TGFBRAP1: variants seen among roughly 807,000 people sequenced by gnomAD.
TGFBRAP1 encodes transforming growth factor beta receptor associated protein 1.
A neutral mutation model predicts 83.2 loss-of-function variants in TGFBRAP1; 20 were observed. The observed-to-expected ratio is 0.24, with a 90% CI of 0.17 to 0.35. TGFBRAP1 has a LOEUF of 0.35. TGFBRAP1 is among the 10% of genes least tolerant of loss of function. The pLI is 1.00. For synonymous variants in TGFBRAP1, 415 were observed against 459.8 expected (o/e 0.90, Z 1.25); for missense variants, 950 against 1,099.4 (o/e 0.86, Z 1.92).
rs543035405 is a variant in TGFBRAP1, at chr2:105,292,003, A to T, written c.1038+4353T>A. 3.3e-4 allele frequency among the ~76,000 whole-genome samples: 50 copies of T among 152,324 alleles called. 1 individual carries two copies. Among genetic ancestry groups the T allele is most frequent in the South Asian group, 1.7e-3 (8 of 4,832 alleles). On this transcript the variant is annotated intron_variant, in intron 4 of 11. Coordinates refer to ENST00000393359, the MANE Select transcript of TGFBRAP1 (RefSeq NM_004257.6). Reference sequence around the variant, plus strand: ...TTCCTCACTGAAAGATGAGTGGAGGATTTTGTCTCCAGCCAAACTGGCCCT... The same window carrying T: ...TTCCTCACTGAAAGATGAGTGGAGGTTTTTGTCTCCAGCCAAACTGGCCCT...
At chr2:105,277,579 A>AT (rs1196002678) in intron 7 of TGFBRAP1, 35 bp downstream of exon 7, 1 of 1,610,528 alleles carries the variant, frequency 6.2e-7, no homozygotes, top group Non-Finnish European at 8.5e-7. Context: ...CATGGTGCTG[A>AT]TTTTTAAATC....
At position 105,299,461 on chromosome 2, in the gene TGFBRAP1, A is replaced by G. The variant is rs145940550; in HGVS notation, c.689-756T>C. ...ACATGCTCTAGACAGCACAGCTCTC[A>G]TGGTCACATGGACACCAATAACATC... On this transcript the variant is annotated intron_variant, in intron 2 of 11. Transcript: ENST00000393359. Among the ~76,000 whole-genome samples the G allele has an allele frequency of 2.6e-5, 4 of 152,260 alleles. No individual in the cohort carries two copies. In the East Asian group the frequency reaches 5.8e-4, roughly 22 times the overall value.
At chr2:105,258,725 A>G in the TGFBRAP1 span, among the ~76,000 whole-genome samples, 1 of 84,974 alleles carries the variant, frequency 1.2e-5, no homozygotes, top group African/African-American at 4.7e-5. Flanking sequence ...TTCTCTCCCC[A>G]CCCCTACACA....
chr2:105,298,729 G>T, intron 2 of TGFBRAP1, 24 bp from the exon 3 acceptor site: 1 of 1,538,490 alleles, frequency 6.5e-7, no homozygotes, highest in South Asian at 1.2e-5. Context: ...GAAAGAGTTA[G>T]GTAGGCTTCC....
intron 1 of TGFBRAP1, among the ~76,000 whole-genome samples, chr2:105,314,300 G>GA (rs1678783632): frequency 6.8e-6 from 1 of 146,774 alleles, no homozygotes; most frequent in South Asian, 2.2e-4. Flanking sequence ...GCCCAGGCTG[G>GA]AGTGCAGTGT....
At chr2:105,284,255 G>A (rs982142342) in intron 5 of TGFBRAP1, 61 bp downstream of exon 5, 54 of 1,498,796 alleles carry the variant, frequency 3.6e-5, no homozygotes, top group Non-Finnish European at 4.6e-5. Flanking sequence ...CACCAGAAAC[G>A]CAGGTTCTGG....
Position 105,273,556 on chromosome 2 carries a change from G to C in TGFBRAP1, c.1800C>G (p.Asp600Glu), listed in dbSNP as rs1273103824. The change falls in exon 9 of 12, where the codon GAC (aspartate) becomes GAG (glutamate). Residue 600 changes from aspartate (D) to glutamate (E), a missense_variant. Transcript: ENST00000393359. ...LVKYLEHLVI[D>E]KRLQKEEYHT... ...CTGCAGTGCTCACCTGCAGTCTCTT[G>C]TCTATCACAAGATGTTCCAGATACT... 1.2e-6 allele frequency: 2 copies of C among 1,614,148 alleles called. No individual in the cohort carries two copies. Among genetic ancestry groups the C allele is most frequent in the African/African-American group, 1.3e-5 (1 of 75,046 alleles).
At chr2:105,296,589 A>C in intron 3 of TGFBRAP1, 79 bp from the exon 4 acceptor site, 2 of 1,486,250 alleles carry the variant, frequency 1.3e-6, no homozygotes, top group East Asian at 4.6e-5. Flanking sequence ...CCCAAACTGG[A>C]TCATTACCTG....
At chr2:105,316,770 T>G (rs1409476425) in intron 1 of TGFBRAP1, among the ~76,000 whole-genome samples, 1 of 149,460 alleles carries the variant, frequency 6.7e-6, no homozygotes, top group Admixed American at 6.7e-5. Context: ...GCTGAGATTA[T>G]GCCACTGCAC....
At chr2:105,260,281 G>C (rs1404609889), downstream of TGFBRAP1, among the ~76,000 whole-genome samples, 2 of 152,112 alleles carry the variant, frequency 1.3e-5, no homozygotes, top group Non-Finnish European at 2.9e-5. Flanking sequence ...ATGGTGGCAT[G>C]CGCCTATAAT....
At chr2:105,311,257 T>C (rs1252252611) in intron 1 of TGFBRAP1, among the ~76,000 whole-genome samples, 1 of 152,166 alleles carries the variant, frequency 6.6e-6, no homozygotes, top group Non-Finnish European at 1.5e-5. Flanking sequence ...TAAACTGTTA[T>C]TCAAGCCTTG....
At chr2:105,316,467 G>GCGCA (rs1678873556) in intron 1 of TGFBRAP1, among the ~76,000 whole-genome samples, 1 of 58,250 alleles carries the variant, frequency 1.7e-5, no homozygotes, top group South Asian at 5.9e-4. Flanking sequence ...GTGTGTGCGC[G>GCGCA]CGCGCGCGCG....
At chr2:105,282,374 A>G (rs1167009751) in intron 5 of TGFBRAP1, among the ~76,000 whole-genome samples, 2 of 152,238 alleles carry the variant, frequency 1.3e-5, no homozygotes, top group Non-Finnish European at 1.5e-5. Flanking sequence ...TTTCAACCAT[A>G]ACTAGCTGGT....
chr2:105,286,914 G>A (rs1268182344), intron 4 of TGFBRAP1, among the ~76,000 whole-genome samples: 1 of 152,208 alleles, frequency 6.6e-6, no homozygotes, highest in Non-Finnish European at 1.5e-5. Context: ...GGAGAGAACA[G>A]TTCTTCTAAG....
chr2:105,261,720 C>G (rs1676792046), downstream of TGFBRAP1, among the ~76,000 whole-genome samples: 1 of 152,154 alleles, frequency 6.6e-6, no homozygotes, highest in Non-Finnish European at 1.5e-5. Context: ...CCACTGCACT[C>G]CAGCCTGGGC....
chr2:105,250,685 G>T, the TGFBRAP1 span, among the ~76,000 whole-genome samples: 939 of 150,140 alleles, frequency 6.3e-3, 11 homozygotes, highest in African/African-American at 0.022. Flanking sequence ...CTCTTTCCAC[G>T]GTCTCCCCCT....
chr2:105,267,285 C>T lies in TGFBRAP1; in HGVS notation c.*98G>A. On this transcript the variant is annotated 3_prime_UTR_variant, in exon 12 of 12. Transcript: ENST00000393359. The stretch of plus-strand genomic sequence containing the variant: ...TCCCTGGCACCCAGATGTCTCCCTT[C>T]GTCCTGGCTGACACAGAGCATGGTG... 4 of 1,493,316 alleles carry T rather than the reference C, an allele frequency of 2.7e-6. No individual in the cohort carries two copies. Among genetic ancestry groups the T allele is most frequent in the Non-Finnish European group, 9.0e-7 (1 of 1,112,628 alleles). 92.5% of individuals were successfully genotyped at this position (1,493,316 alleles called of 1,614,324 possible). A position where few individuals can be genotyped will look rare whatever the true frequency, so the allele number is the denominator to read the frequency against.
intron 1 of TGFBRAP1, among the ~76,000 whole-genome samples, chr2:105,316,428 T>G (rs1678858689): frequency 1.5e-5 from 1 of 66,088 alleles, no homozygotes; most frequent in Non-Finnish European, 3.1e-5. Flanking sequence ...GGAGTGTGTG[T>G]GTGTGTGTGT....
chr2:105,281,483 C>A (rs959559812), intron 5 of TGFBRAP1, among the ~76,000 whole-genome samples: 4 of 152,150 alleles, frequency 2.6e-5, no homozygotes, highest in Non-Finnish European at 5.9e-5. Context: ...ATGCTGCCTG[C>A]GATGTTCAGA....
Sources: allele counts gnomAD v4.1 joint callset (sites outside exome capture counted in the v4.1 genomes callset), GRCh38; gene constraint gnomAD v4.1.1; transcripts MANE v1.5; gene names NCBI Gene and HGNC (gene_info 2026-07-23, HGNC 2026-07-21).